RMDN2: variants seen among roughly 807,000 people sequenced by gnomAD.
The protein encoded by RMDN2 is regulator of microtubule dynamics 2.
A neutral mutation model predicts 52.8 loss-of-function variants in RMDN2; 61 were observed. The ratio of observed to expected loss-of-function variants is 1.16; its 90% confidence interval spans 0.94 to 1.43. RMDN2 has a LOEUF of 1.43. Among genes scored for constraint, RMDN2 ranks in the 40% most tolerant of loss-of-function variants. The pLI, the probability that RMDN2 is intolerant of heterozygous loss-of-function variation, is 0.00. For missense variants in RMDN2, 592 were observed against 475.3 expected, an observed-to-expected ratio of 1.25 and a Z score of -2.28; for synonymous variants, 180 against 153.1, an observed-to-expected ratio of 1.18 and a Z score of -1.30.
intron 2 of RMDN2, among the ~76,000 whole-genome samples, chr2:37,933,784 G>A (rs1041774885): frequency 1.2e-4 from 19 of 152,276 alleles, no homozygotes; most frequent in South Asian, 2.1e-4. Context: ...GAGAGAGACC[G>A]TGGAAAGGGG....
chr2:37,932,700 A>G (rs1195036209), intron 2 of RMDN2, among the ~76,000 whole-genome samples: 1 of 81,048 alleles, frequency 1.2e-5, no homozygotes. Context: ...GACCCCCCCC[A>G]CCTCCCTCCC....
At chr2:37,933,207 A>T (rs904326647) in intron 2 of RMDN2, among the ~76,000 whole-genome samples, 4 of 150,492 alleles carry the variant, frequency 2.7e-5, no homozygotes, top group African/African-American at 9.9e-5. Context: ...CACTTCCCAG[A>T]TGTGATGGTG....
chr2:37,988,395 A>G (rs1201255726), intron 5 of RMDN2, among the ~76,000 whole-genome samples: 1 of 152,146 alleles, frequency 6.6e-6, no homozygotes, highest in Non-Finnish European at 1.5e-5. Flanking sequence ...TGTTTTTAGT[A>G]CGTTGATATG....
chr2:37,950,539 T>C, intron 2 of RMDN2: 2 of 1,613,042 alleles, frequency 1.2e-6, no homozygotes, highest in Non-Finnish European at 1.7e-6. Flanking sequence ...GATGACGGCC[T>C]AGAAGGGAAG....
At chr2:38,060,278 G>A (rs150190954) in intron 10 of RMDN2, among the ~76,000 whole-genome samples, 112 of 152,028 alleles carry the variant, frequency 7.4e-4, no homozygotes, top group Middle Eastern at 3.4e-3. Context: ...CTTGATAGAC[G>A]TTTCCAGAGC....
Position 38,017,288 on chromosome 2 carries a change from A to C in RMDN2, c.*49A>C. 1 of 1,477,300 alleles carries C rather than the reference A, an allele frequency of 6.8e-7. No homozygotes were observed. Among genetic ancestry groups the C allele is most frequent in the South Asian group, 1.4e-5 (1 of 70,468 alleles). 91.5% of individuals were successfully genotyped at this position (1,477,300 alleles called of 1,614,324 possible). A position where few individuals can be genotyped will look rare whatever the true frequency, so the allele number is the denominator to read the frequency against. On this transcript the variant is annotated 3_prime_UTR_variant, in exon 11 of 11. Transcript: ENST00000354545. ...AATCAGATGTGGTCTACCAAAATTT[A>C]AATGAATCAAAGTTGTGCTTTTATT...
intron 1 of RMDN2, among the ~76,000 whole-genome samples, chr2:37,926,613 A>G (rs184297974): frequency 2.6e-5 from 4 of 152,232 alleles, no homozygotes; most frequent in Non-Finnish European, 5.9e-5. Flanking sequence ...TTTTTATACT[A>G]CAAGTGTATA....
intron 2 of RMDN2, among the ~76,000 whole-genome samples, chr2:37,973,353 T>A (rs1472088442): frequency 6.6e-6 from 1 of 152,222 alleles, no homozygotes; most frequent in Non-Finnish European, 1.5e-5. Context: ...TTTGTGAGTT[T>A]ACACACACAG....
intron 2 of RMDN2, among the ~76,000 whole-genome samples, chr2:37,942,803 G>T (rs1265743122): frequency 6.6e-6 from 1 of 152,306 alleles, no homozygotes; most frequent in East Asian, 1.9e-4. Flanking sequence ...GGCAGGCACT[G>T]TCTGAACTCT....
chr2:37,941,278 G>C (rs946436246), intron 2 of RMDN2, among the ~76,000 whole-genome samples: 5 of 82 alleles, frequency 0.061, no homozygotes, highest in Non-Finnish European at 0.14. Flanking sequence ...CTTCATCCCA[G>C]AGGGCACCCG....
At chr2:37,991,096 G>T in intron 6 of RMDN2, 124 bp from the exon 7 acceptor site, 1 of 435,382 alleles carries the variant, frequency 2.3e-6, no homozygotes, top group South Asian at 7.3e-5. Flanking sequence ...TTGTATTAAT[G>T]ATAGGGATGG....
chr2:38,011,867 C>T (rs41383748), intron 10 of RMDN2, among the ~76,000 whole-genome samples: 19,109 of 152,102 alleles, frequency 0.13, 1,404 homozygotes, highest in Non-Finnish European at 0.16. Flanking sequence ...CACTTTCCCC[C>T]GGACCACAGA....
intron 10 of RMDN2, among the ~76,000 whole-genome samples, chr2:38,051,403 T>C (rs1558589602): frequency 6.6e-6 from 1 of 152,176 alleles, no homozygotes; most frequent in African/African-American, 2.4e-5. Flanking sequence ...TTTTTAGTTT[T>C]TTATCTATTC....
Position 38,017,274 on chromosome 2 carries a change from G to T in RMDN2, c.*35G>T, listed in dbSNP as rs114342890. 0.032 allele frequency: 48,232 copies of T among 1,486,936 alleles called. 959 individuals are homozygous for T. The highest frequency in any genetic ancestry group is 0.053 in the Middle Eastern group (301 of 5,676). 92.1% of individuals were successfully genotyped at this position (1,486,936 alleles called of 1,614,324 possible). A position where few individuals can be genotyped will look rare whatever the true frequency, so the allele number is the denominator to read the frequency against. Reference sequence around the variant, plus strand: ...TTTACTCTTCAACAAATCAGATGTGGTCTACCAAAATTTAAATGAATCAAA... The same window carrying T: ...TTTACTCTTCAACAAATCAGATGTGTTCTACCAAAATTTAAATGAATCAAA... On this transcript the variant is annotated 3_prime_UTR_variant, in exon 11 of 11. Transcript: ENST00000354545.
At chr2:38,038,637 A>C (rs988790687) in intron 10 of RMDN2, among the ~76,000 whole-genome samples, 1 of 152,018 alleles carries the variant, frequency 6.6e-6, no homozygotes, top group Non-Finnish European at 1.5e-5. Context: ...CTCATCATCA[A>C]CCTCTATTCA....
rs72343040 is a variant in RMDN2 at position 38,060,061 on chromosome 2, C to CTATTTTATTT, written c.1714-6869_1714-6860dup. The stretch of plus-strand genomic sequence containing the variant: ...TACAGGTGTGTGCCACGACGCCCAG[C>CTATTTTATTT]TATTTTATTTTATTTTATTTTATTT... On this transcript the variant is annotated intron_variant, in intron 10 of 10. Transcript: ENST00000234195. 8.6e-4 allele frequency among the ~76,000 whole-genome samples: 111 copies of CTATTTTATTT among 128,666 alleles called. 1 individual carries two copies. Among genetic ancestry groups the CTATTTTATTT allele is most frequent in the South Asian group, 8.0e-3 (29 of 3,606 alleles). 84.4% of individuals were successfully genotyped at this position (128,666 alleles called of 152,430 possible). A position where few individuals can be genotyped will look rare whatever the true frequency, so the allele number is the denominator to read the frequency against.
At chr2:37,979,135 A>T (rs1672969078) in intron 4 of RMDN2, among the ~76,000 whole-genome samples, 1 of 152,218 alleles carries the variant, frequency 6.6e-6, no homozygotes, top group Admixed American at 6.5e-5. Flanking sequence ...TCAGATATTG[A>T]AATAAAAGTA....
chr2:37,997,674 T>C (rs1675755313), intron 8 of RMDN2, 160 bp downstream of exon 8: 4 of 600,164 alleles, frequency 6.7e-6, no homozygotes, highest in African/African-American at 3.7e-5. Flanking sequence ...AAGTTATTAA[T>C]ATGTTTTAAG....
intron 10 of RMDN2, among the ~76,000 whole-genome samples, chr2:38,012,336 T>C (rs940902886): frequency 1.3e-5 from 2 of 152,238 alleles, no homozygotes; most frequent in Non-Finnish European, 2.9e-5. Context: ...ATTATTAATG[T>C]GATTGTTCCA....
Sources: allele counts gnomAD v4.1 joint callset (sites outside exome capture counted in the v4.1 genomes callset), GRCh38; gene constraint gnomAD v4.1.1; transcripts MANE v1.5; gene names NCBI Gene and HGNC (gene_info 2026-07-23, HGNC 2026-07-21).